OR3A2: variants seen among roughly 807,000 people sequenced by gnomAD.
OR3A2 encodes olfactory receptor family 3 subfamily A member 2.
For synonymous variants in OR3A2, 126 were observed against 159.3 expected (o/e 0.79, Z 1.57); for missense variants, 318 against 392.8 (o/e 0.81, Z 1.61).
chr17:3,318,737 T>C (rs2049095899), intron 3 of OR3A2, among the ~76,000 whole-genome samples: 1 of 152,198 alleles, frequency 6.6e-6, no homozygotes, highest in Admixed American at 6.5e-5. Context: ...TTGATGTGTT[T>C]TTTCCACAGC....
chr17:3,371,094 C>G (rs1229311964), intron 2 of OR3A2, among the ~76,000 whole-genome samples: 1 of 151,880 alleles, frequency 6.6e-6, no homozygotes, highest in Non-Finnish European at 1.5e-5. Context: ...CACAAAACCA[C>G]CATTGTCATC....
chr17:3,372,852 A>AGGGAG (rs2049643616), intron 2 of OR3A2, among the ~76,000 whole-genome samples: 1 of 8,706 alleles, frequency 1.1e-4, no homozygotes, highest in Non-Finnish European at 2.0e-4. Context: ...GGAGAAGGAG[A>AGGGAG]GGGAGAGGGA....
chr17:3,331,571 C>G (rs1567557732), intron 3 of OR3A2, among the ~76,000 whole-genome samples: 1 of 151,888 alleles, frequency 6.6e-6, no homozygotes, highest in Non-Finnish European at 1.5e-5. Flanking sequence ...TCCATCAGCT[C>G]CTTTAAGCAC....
chr17:3,284,718 C>G (rs2005290), upstream of OR3A2, among the ~76,000 whole-genome samples: 5,464 of 117,604 alleles, frequency 0.046, 520 homozygotes, highest in African/African-American at 0.12. Context: ...AGATGATGTC[C>G]GCTCTGCTTA....
intron 2 of OR3A2, among the ~76,000 whole-genome samples, chr17:3,340,717 G>A (rs976491437): frequency 1.4e-5 from 2 of 145,926 alleles, no homozygotes; most frequent in Non-Finnish European, 3.0e-5. Context: ...GTGCAATGTG[G>A]TGCTGAGAAG....
At chr17:3,343,096 T>C (rs2049333739) in intron 2 of OR3A2, among the ~76,000 whole-genome samples, 1 of 152,208 alleles carries the variant, frequency 6.6e-6, no homozygotes, top group Non-Finnish European at 1.5e-5. Flanking sequence ...GTGTGCCATT[T>C]GCTAAGACCT....
intron 2 of OR3A2, among the ~76,000 whole-genome samples, chr17:3,342,902 G>C (rs553572854): frequency 2.6e-5 from 4 of 152,356 alleles, no homozygotes; most frequent in East Asian, 1.9e-4. Context: ...AGTGCACAGA[G>C]GCAGGCGGGC....
intron 3 of OR3A2, among the ~76,000 whole-genome samples, chr17:3,333,739 A>G (rs941589605): frequency 6.6e-6 from 1 of 152,208 alleles, no homozygotes; most frequent in African/African-American, 2.4e-5. Flanking sequence ...GCAACAAAAG[A>G]AAAAATTGAC....
At chr17:3,318,522 C>T (rs1423120586) in intron 3 of OR3A2, among the ~76,000 whole-genome samples, 1 of 152,198 alleles carries the variant, frequency 6.6e-6, no homozygotes. Context: ...AGACCGCATT[C>T]CTCCAGCCTC....
At position 3,371,801 on chromosome 17, in the gene OR3A2, G is replaced by A. The variant is rs1460549667; in HGVS notation, c.-179+12003C>T. 2.2e-5 allele frequency among the ~76,000 whole-genome samples: 3 copies of A among 138,834 alleles called. No homozygotes were observed. In the East Asian group the frequency reaches 7.0e-4, roughly 33 times the overall value. 91.1% of individuals were successfully genotyped at this position (138,834 alleles called of 152,430 possible). ...CAGAGGCGCCCCTCACCTCCTGGCCGGGGCGGCTGGCCGGGCGGGGGGCTG... is the reference window on the plus strand; with the variant it reads ...CAGAGGCGCCCCTCACCTCCTGGCCAGGGCGGCTGGCCGGGCGGGGGGCTG... On this transcript the variant is annotated intron_variant, in intron 2 of 4. Transcript: ENST00000573491.
intron 2 of OR3A2, among the ~76,000 whole-genome samples, chr17:3,349,230 G>C (rs1039428327): frequency 2.6e-5 from 4 of 152,136 alleles, no homozygotes; most frequent in African/African-American, 9.7e-5. Context: ...AAAAGACACA[G>C]ACTGGCAAAT....
At chr17:3,372,377 C>T (rs1209960797) in intron 2 of OR3A2, among the ~76,000 whole-genome samples, 5 of 146,862 alleles carry the variant, frequency 3.4e-5, no homozygotes, top group South Asian at 2.3e-4. Flanking sequence ...ACGTCCCAGA[C>T]GATGGGCGGC....
intron 2 of OR3A2, among the ~76,000 whole-genome samples, chr17:3,362,498 C>A (rs897674933): frequency 4.6e-5 from 7 of 151,568 alleles, no homozygotes; most frequent in East Asian, 1.9e-4. Flanking sequence ...TAGTTCTTTT[C>A]ATTGTGATGT....
intron 2 of OR3A2, among the ~76,000 whole-genome samples, chr17:3,354,415 G>A (rs904095181): frequency 6.6e-6 from 1 of 151,154 alleles, no homozygotes; most frequent in African/African-American, 2.4e-5. Flanking sequence ...GAAAAGTAAA[G>A]GTTTTTATTT....
intron 3 of OR3A2, among the ~76,000 whole-genome samples, chr17:3,319,107 C>T (rs1158563193): frequency 1.3e-5 from 2 of 152,144 alleles, no homozygotes; most frequent in East Asian, 1.9e-4. Context: ...AGTCCATAGC[C>T]TTTACTATCA....
rs1260111774 is a variant in OR3A2 at position 3,375,245 on chromosome 17, T to C, written c.-179+8559A>G. ...TTTTTTTTTTCTTTTTTTTTTTTTT[T>C]CCCCCCCTTTTTGAGATAGTCTCAC... is the stretch of plus-strand genomic sequence containing the variant. On this transcript the variant is annotated intron_variant, in intron 2 of 4. Transcript: ENST00000573491. Among the ~76,000 whole-genome samples the C allele has an allele frequency of 2.7e-3, 124 of 46,004 alleles. 2 individuals carry two copies. The East Asian group carries it at 0.041, about 15-fold the overall frequency. The allele number at this position is 46,004 out of a possible 152,430, so 30.2% of individuals were successfully genotyped here.
intron 3 of OR3A2, chr17:3,298,503 A>G (rs1379282751): frequency 6.6e-6 from 1 of 152,200 alleles, no homozygotes; most frequent in Non-Finnish European, 1.5e-5. Flanking sequence ...CACTTCAGTA[A>G]AAAGAGAAAG....
intron 3 of OR3A2, among the ~76,000 whole-genome samples, chr17:3,299,942 T>C (rs1206803702): frequency 6.6e-6 from 1 of 152,158 alleles, no homozygotes; most frequent in East Asian, 1.9e-4. Context: ...TGCTTTATTT[T>C]GGTGCATTAT....
At chr17:3,342,313 C>T (rs981297622) in intron 2 of OR3A2, among the ~76,000 whole-genome samples, 12 of 152,148 alleles carry the variant, frequency 7.9e-5, no homozygotes, top group Non-Finnish European at 1.3e-4. Context: ...CTGTTGCTGG[C>T]GAGGAGCTGC....
Sources: gnomAD v4.1 joint callset for allele counts (sites outside exome capture counted in the v4.1 genomes callset) on GRCh38, gnomAD v4.1.1 for gene constraint, MANE v1.5 for transcripts, NCBI Gene and HGNC (gene_info 2026-07-23, HGNC 2026-07-21) for gene names.